EXOC6B: variants seen among roughly 807,000 people sequenced by gnomAD.
EXOC6B encodes exocyst complex component 6B.
A neutral mutation model predicts 113.5 loss-of-function variants in EXOC6B; 54 were observed. The ratio of observed to expected loss-of-function variants is 0.48; its 90% CI spans 0.38 to 0.60. The LOEUF is 0.60. Ranked by LOEUF, EXOC6B falls within the 20% of genes least tolerant of loss-of-function variation. The pLI, the probability that EXOC6B is intolerant of heterozygous loss-of-function variation, is 0.00. For missense variants in EXOC6B, 797 were observed against 977.5 expected (o/e 0.82, Z 2.46); for synonymous variants, 357 against 339.0 (o/e 1.05, Z -0.58).
chr2:72,375,806 G>T (rs572840393), intron 19 of EXOC6B, among the ~76,000 whole-genome samples: 6 of 152,152 alleles, frequency 3.9e-5, no homozygotes, highest in African/African-American at 1.4e-4. Context: ...AAACAGTAAA[G>T]GTGGAAATGA....
rs1234787079 is a variant in EXOC6B, at chr2:72,466,356, AAAAAGAAAAG to A, written c.1801-1027_1801-1018del. ...CAAGACTCCACCTCAAAAAAAAAAAAAAAAGAAAAGAAAAGAAAAGAAATAAGTAGGTCCA... is the reference window on the plus strand; with the variant it reads ...CAAGACTCCACCTCAAAAAAAAAAAAAAAAGAAAAGAAATAAGTAGGTCCA... On this transcript the variant is annotated intron_variant, in intron 17 of 21. Coordinates refer to ENST00000272427, the MANE Select transcript of EXOC6B (RefSeq NM_015189.3). 2.3e-3 allele frequency among the ~76,000 whole-genome samples: 348 copies of A among 151,530 alleles called. 1 individual carries two copies. Among genetic ancestry groups the A allele is most frequent in the African/African-American group, 7.9e-3 (325 of 41,332 alleles).
intron 19 of EXOC6B, among the ~76,000 whole-genome samples, chr2:72,335,464 CA>C (rs962041802): frequency 4.6e-5 from 7 of 151,848 alleles, no homozygotes. Context: ...CCTCATTCCC[CA>C]AGCATTTATC....
intron 8 of EXOC6B, among the ~76,000 whole-genome samples, chr2:72,522,305 C>T (rs1015946037): frequency 1.3e-5 from 2 of 152,008 alleles, no homozygotes; most frequent in Non-Finnish European, 1.5e-5. Context: ...TGGGGAAGGG[C>T]GCAAATGGTC....
chr2:72,395,293 C>T (rs979628541), intron 18 of EXOC6B, among the ~76,000 whole-genome samples: 5 of 152,176 alleles, frequency 3.3e-5, no homozygotes, highest in African/African-American at 7.2e-5. Context: ...CAATGGTAGA[C>T]GCCTGACTGT....
intron 18 of EXOC6B, among the ~76,000 whole-genome samples, chr2:72,421,495 T>C (rs1416396605): frequency 6.6e-6 from 1 of 152,256 alleles, no homozygotes; most frequent in East Asian, 1.9e-4. Flanking sequence ...GAATTTTTAT[T>C]GGGCTGCATT....
chr2:72,209,343 T>C (rs1356980299), intron 20 of EXOC6B, among the ~76,000 whole-genome samples: 1 of 151,894 alleles, frequency 6.6e-6, no homozygotes, highest in Non-Finnish European at 1.5e-5. Context: ...ACTGAACAAG[T>C]AAAAGTCCCT....
intron 1 of EXOC6B, among the ~76,000 whole-genome samples, chr2:72,756,085 A>AAGGGGG (rs1453436798): frequency 6.6e-6 from 1 of 152,114 alleles, no homozygotes; most frequent in Non-Finnish European, 1.5e-5. Context: ...GGACGTTTTT[A>AAGGGGG]ACTGTGTTGG....
At chr2:72,312,867 T>C (rs536155519) in intron 20 of EXOC6B, among the ~76,000 whole-genome samples, 137 of 149,782 alleles carry the variant, frequency 9.1e-4, no homozygotes, top group African/African-American at 3.2e-3. Flanking sequence ...TCATTTTACA[T>C]TGGGGAAATA....
At chr2:72,508,163 C>CAAAAAAAAAAAAAAA (rs67586747) in intron 11 of EXOC6B, among the ~76,000 whole-genome samples, 2 of 57,526 alleles carry the variant, frequency 3.5e-5, no homozygotes, top group African/African-American at 2.6e-4. Flanking sequence ...ATATTACCCG[C>CAAAAAAAAAAAAAAA]AAAAAAAAAA....
chr2:72,707,828 T>G (rs997350486), intron 6 of EXOC6B, among the ~76,000 whole-genome samples: 2 of 152,108 alleles, frequency 1.3e-5, no homozygotes, highest in Non-Finnish European at 2.9e-5. Context: ...ACATATTTCA[T>G]GAATGAGTGA....
Position 72,379,762 on chromosome 2 carries a change from G to C in EXOC6B, c.2089C>G (p.Gln697Glu). The change falls in exon 19 of 22, where the codon CAG becomes GAG. Residue 697 changes from glutamine (Q) to glutamate (E), a missense_variant. Coordinates refer to ENST00000272427, the MANE Select transcript of EXOC6B (RefSeq NM_015189.3). ...TCTCTGACGTCCAAGTTGAACTGCTGTAATGCTCCCAAGGTGAGCTGCCGC... is the reference window on the plus strand; with the variant it reads ...TCTCTGACGTCCAAGTTGAACTGCTCTAATGCTCCCAAGGTGAGCTGCCGC... ...EVRQLTLGAL[Q>E]QFNLDVRECE... 1.2e-6 allele frequency: 2 copies of C among 1,613,168 alleles called. No individual in the cohort carries two copies.
rs186738666 is a variant in EXOC6B at position 72,588,695 on chromosome 2, T to A, written c.670-13027A>T. Among the ~76,000 whole-genome samples the A allele has an allele frequency of 2.1e-3, 321 of 152,192 alleles. 3 individuals carry two copies. Among genetic ancestry groups the A allele is most frequent in the Middle Eastern group, 3.4e-3 (1 of 294 alleles). Reference sequence around the variant, plus strand: ...AATCAATTAATAATTTTAATTTTTTTAATTATAATTGATATCCTTAGCCCT... The same window carrying A: ...AATCAATTAATAATTTTAATTTTTTAAATTATAATTGATATCCTTAGCCCT... On this transcript the variant is annotated intron_variant, in intron 6 of 21. Coordinates refer to ENST00000272427, the MANE Select transcript of EXOC6B (RefSeq NM_015189.3).
intron 18 of EXOC6B, among the ~76,000 whole-genome samples, chr2:72,420,698 C>T (rs369644755): frequency 8.5e-5 from 13 of 152,078 alleles, no homozygotes; most frequent in African/African-American, 3.1e-4. Context: ...AGTAAACATA[C>T]GTGTGCATGT....
At chr2:72,708,261 T>C (rs1239046428) in intron 6 of EXOC6B, among the ~76,000 whole-genome samples, 2 of 152,208 alleles carry the variant, frequency 1.3e-5, no homozygotes, top group Non-Finnish European at 2.9e-5. Flanking sequence ...AATGACATGT[T>C]AGGATAGTGG....
chr2:72,517,341 G>A (rs1701265517), intron 8 of EXOC6B, among the ~76,000 whole-genome samples: 1 of 152,036 alleles, frequency 6.6e-6, no homozygotes, highest in Admixed American at 6.6e-5. Context: ...TCAGAAACAG[G>A]CAACAGGCTG....
chr2:72,811,068 C>A (rs1685890226), intron 1 of EXOC6B, among the ~76,000 whole-genome samples: 1 of 151,548 alleles, frequency 6.6e-6, no homozygotes, highest in Non-Finnish European at 1.5e-5. Flanking sequence ...TGGGGTGGCT[C>A]AGGCCTGTAA....
chr2:72,621,160 A>G (rs775741382), intron 6 of EXOC6B, among the ~76,000 whole-genome samples: 115 of 152,180 alleles, frequency 7.6e-4, no homozygotes, highest in Non-Finnish European at 2.4e-4. Context: ...GTATATGCCC[A>G]AAGAAAAATA....
At chr2:72,583,577 C>T (rs368855852) in intron 6 of EXOC6B, among the ~76,000 whole-genome samples, 4 of 152,094 alleles carry the variant, frequency 2.6e-5, no homozygotes, top group African/African-American at 7.2e-5. Context: ...AAGAGAAACT[C>T]GAACCAAGAA....
At position 72,636,319 on chromosome 2, in the gene EXOC6B, G is replaced by GGGAA. The variant is rs1204258789; in HGVS notation, c.670-60652_670-60651insTTCC. ...AGGCAGGGAGGGAGGCAGGGAGGGA[G>GGGAA]GGAGGGAAGGAGGGAAGGAAGGAAG... On this transcript the variant is annotated intron_variant, in intron 6 of 21. Coordinates refer to ENST00000272427, the MANE Select transcript of EXOC6B (RefSeq NM_015189.3). Among the ~76,000 whole-genome samples, 8 of 107,474 alleles carry GGGAA rather than the reference G, an allele frequency of 7.4e-5. 1 individual carries two copies. The highest frequency in any genetic ancestry group is 3.4e-4 in the South Asian group (1 of 2,902). 70.5% of individuals were successfully genotyped at this position (107,474 alleles called of 152,430 possible).
Sources: allele counts gnomAD v4.1 joint callset (sites outside exome capture counted in the v4.1 genomes callset), GRCh38; gene constraint gnomAD v4.1.1; transcripts MANE v1.5; gene names NCBI Gene and HGNC (gene_info 2026-07-23, HGNC 2026-07-21).